SEPTIN14: variants seen among roughly 807,000 people sequenced by gnomAD.
The protein encoded by SEPTIN14 is septin-14.
A neutral mutation model predicts 53.6 loss-of-function variants in SEPTIN14; 40 were observed. The ratio of observed to expected loss-of-function variants is 0.75; its 90% CI spans 0.58 to 0.97. The LOEUF is 0.97. SEPTIN14 is among the 50% of genes least tolerant of loss of function. The pLI is 0.00. For synonymous variants in SEPTIN14, 138 were observed against 166.8 expected (o/e 0.83, Z 1.33); for missense variants, 471 against 508.2 (o/e 0.93, Z 0.70).
intron 2 of SEPTIN14, 119 bp from the exon 3 acceptor site, chr7:55,846,756 T>A (rs1265731689): frequency 1.8e-6 from 1 of 567,938 alleles, no homozygotes; most frequent in East Asian, 3.1e-5. Context: ...TTATCATACC[T>A]CAGACAAGAT....
chr7:55,805,356 ACTCTT>A lies in SEPTIN14; in HGVS notation c.1016_1020del (p.Gln339LeufsTer3). On this transcript the variant is annotated frameshift_variant, in exon 9 of 10. Transcript: ENST00000388975. LOFTEE classifies it high-confidence loss of function. Reference sequence around the variant, plus strand: ...TCTTCCCTCTGACATTGATCATAGAACTCTTGTCTTTTGGCTTCAAAGATTTCTTG... The same window carrying A: ...TCTTCCCTCTGACATTGATCATAGAAGTCTTTTGGCTTCAAAGATTTCTTG... The A allele has an allele frequency of 6.3e-7, 1 of 1,597,268 alleles. No individual in the cohort carries two copies. Among genetic ancestry groups the A allele is most frequent in the Non-Finnish European group, 8.5e-7 (1 of 1,172,030 alleles).
At chr7:55,817,543 C>T (rs1788816242) in intron 7 of SEPTIN14, among the ~76,000 whole-genome samples, 1 of 151,052 alleles carries the variant, frequency 6.6e-6, no homozygotes, top group African/African-American at 2.4e-5. Flanking sequence ...GATCTCAGCT[C>T]ACTGCAAGCT....
At chr7:55,816,260 A>G (rs1788788202) in intron 7 of SEPTIN14, among the ~76,000 whole-genome samples, 1 of 152,214 alleles carries the variant, frequency 6.6e-6, no homozygotes, top group Non-Finnish European at 1.5e-5. Context: ...ATAGTTACAT[A>G]GAATGAATAA....
chr7:55,857,345 C>G (rs1789648821), intron 2 of SEPTIN14, among the ~76,000 whole-genome samples: 1 of 147,224 alleles, frequency 6.8e-6, no homozygotes, highest in African/African-American at 2.5e-5. Context: ...GAACTCCAGC[C>G]TGGGCAACAA....
intron 9 of SEPTIN14, among the ~76,000 whole-genome samples, chr7:55,797,681 G>C (rs1788453040): frequency 1.3e-5 from 2 of 152,144 alleles, no homozygotes; most frequent in Non-Finnish European, 2.9e-5. Flanking sequence ...AAAAATGAAA[G>C]AATGCAGCTG....
At chr7:55,800,715 A>G (rs183764119) in intron 9 of SEPTIN14, among the ~76,000 whole-genome samples, 145 of 152,246 alleles carry the variant, frequency 9.5e-4, no homozygotes, top group African/African-American at 3.3e-3. Context: ...GGAAGTGAGG[A>G]CATTTCTTGG....
At chr7:55,853,050 G>A (rs935087011) in intron 2 of SEPTIN14, among the ~76,000 whole-genome samples, 1 of 152,086 alleles carries the variant, frequency 6.6e-6, no homozygotes, top group East Asian at 1.9e-4. Flanking sequence ...AAATGCTGGC[G>A]AAAATGTGGA....
chr7:55,830,707 T>C (rs990806267), intron 6 of SEPTIN14, among the ~76,000 whole-genome samples: 14 of 151,692 alleles, frequency 9.2e-5, no homozygotes, highest in African/African-American at 3.2e-4. Flanking sequence ...AGTTTTATAT[T>C]CCTTTAAAAA....
chr7:55,818,119 CAT>C (rs1788826924), intron 7 of SEPTIN14, among the ~76,000 whole-genome samples: 1 of 151,898 alleles, frequency 6.6e-6, no homozygotes, highest in South Asian at 2.1e-4. Flanking sequence ...AATATTAAAA[CAT>C]TAAGTTTTAA....
At chr7:55,830,778 T>C (rs769793284) in intron 6 of SEPTIN14, among the ~76,000 whole-genome samples, 1 of 149,988 alleles carries the variant, frequency 6.7e-6, no homozygotes, top group African/African-American at 2.5e-5. Flanking sequence ...CAGGAAAAAA[T>C]AGATATCCTA....
chr7:55,820,562 G>A (rs1296657021), intron 6 of SEPTIN14, among the ~76,000 whole-genome samples: 1 of 152,138 alleles, frequency 6.6e-6, no homozygotes, highest in Non-Finnish European at 1.5e-5. Context: ...ACAGTCTCAG[G>A]GAAGATGAGT....
rs1214978719 is a variant in SEPTIN14 at position 55,862,741 on chromosome 7, GGTGTCC to G, written c.-75_-70del. The G allele has an allele frequency of 6.6e-6, 1 of 152,094 alleles. No individual in the cohort carries two copies. Among genetic ancestry groups the G allele is most frequent in the Non-Finnish European group, 1.5e-5 (1 of 68,028 alleles). The allele number at this position is 152,094 out of a possible 1,614,324, so 9.4% of individuals were successfully genotyped here. ...CACAGGTCCGAACTGATTCCAAGCTGGTGTCCTTTCTACTGTCCCCAGTTGTGGACC... is the reference window on the plus strand; with the variant it reads ...CACAGGTCCGAACTGATTCCAAGCTGTTTCTACTGTCCCCAGTTGTGGACC... On this transcript the variant is annotated 5_prime_UTR_variant, in exon 1 of 10. Coordinates refer to ENST00000388975, the MANE Select transcript of SEPTIN14 (RefSeq NM_207366.3).
At chr7:55,814,625 A>G (rs1788761422) in intron 7 of SEPTIN14, among the ~76,000 whole-genome samples, 1 of 152,206 alleles carries the variant, frequency 6.6e-6, no homozygotes, top group Admixed American at 6.6e-5. Flanking sequence ...TGAAAACTAT[A>G]AAATACTGAT....
chr7:55,818,445 C>T (rs911382458), intron 7 of SEPTIN14, among the ~76,000 whole-genome samples: 1 of 133,720 alleles, frequency 7.5e-6, no homozygotes, highest in Non-Finnish European at 1.5e-5. Context: ...GCACTCCAGC[C>T]TGGGCAACAC....
At chr7:55,857,372 CGAAAAGAAAA>C (rs995189496) in intron 2 of SEPTIN14, among the ~76,000 whole-genome samples, 1 of 133,990 alleles carries the variant, frequency 7.5e-6, no homozygotes, top group Non-Finnish European at 1.5e-5. Flanking sequence ...AACTCTGTCT[CGAAAAGAAAA>C]GAAAAGGAAA....
At position 55,793,688 on chromosome 7, in the gene SEPTIN14, T is replaced by C. The variant is rs970097904; in HGVS notation, c.*2225A>G. 10 of 152,168 alleles carry C rather than the reference T, an allele frequency of 6.6e-5. No individual in the cohort carries two copies. Among genetic ancestry groups the C allele is most frequent in the African/African-American group, 9.6e-5 (4 of 41,466 alleles). 9.4% of individuals were successfully genotyped at this position (152,168 alleles called of 1,614,324 possible). ...TAAAAAGAGTAGACCTATATAGCAGTAGAATTTTGGTATGTGATTGAAGTT... is the reference window on the plus strand; with the variant it reads ...TAAAAAGAGTAGACCTATATAGCAGCAGAATTTTGGTATGTGATTGAAGTT... On this transcript the variant is annotated 3_prime_UTR_variant, in exon 10 of 10. Transcript: ENST00000388975.
At chr7:55,836,336 T>C (rs1236068628) in intron 5 of SEPTIN14, among the ~76,000 whole-genome samples, 1 of 152,164 alleles carries the variant, frequency 6.6e-6, no homozygotes, top group Admixed American at 6.5e-5. Flanking sequence ...AATATCTTAT[T>C]AAATTATAGC....
intron 6 of SEPTIN14, among the ~76,000 whole-genome samples, chr7:55,823,314 C>T (rs750475811): frequency 6.6e-6 from 1 of 152,108 alleles, no homozygotes; most frequent in South Asian, 2.1e-4. Flanking sequence ...AGCATGCACT[C>T]GCCTATTCTG....
In SEPTIN14 at chr7:55,843,029, G is replaced by A. The variant is rs185926188; in HGVS notation, c.471C>T (p.Arg157=). The stretch of plus-strand genomic sequence containing the variant: ...AAATGAAGTAAAGACACACGTGGAC[G>A]CGAGAATCATGGTACTCAAACAAGG... ...KRSLFEYHDS[R]VHVCLYFISP... The change falls in exon 5 of 10, where the codon CGC becomes CGT. Residue 157 remains arginine (R), a synonymous_variant. Transcript: ENST00000388975. 2.9e-3 allele frequency: 4,671 copies of A among 1,596,334 alleles called. 20 individuals are homozygous for A. The highest frequency in any genetic ancestry group is 3.5e-3 in the South Asian group (310 of 88,534).
Sources: allele counts gnomAD v4.1 joint callset (sites outside exome capture counted in the v4.1 genomes callset), GRCh38; gene constraint gnomAD v4.1.1; transcripts MANE v1.5; gene names NCBI Gene and HGNC (gene_info 2026-07-23, HGNC 2026-07-21).